RBFOX1: variants seen among roughly 807,000 people sequenced by gnomAD.
RBFOX1 encodes the protein RNA binding fox-1 homolog 1.
In RBFOX1, 8 loss-of-function variants were observed where a neutral mutation model predicts 57.7. The ratio of observed to expected loss-of-function variants is 0.14; its 90% CI spans 0.08 to 0.25. RBFOX1 has a LOEUF of 0.25. Among genes scored for constraint, RBFOX1 ranks in the 10% least tolerant of loss-of-function variants. The probability of loss-of-function intolerance (pLI) is 1.00; values close to 1 mark genes in which losing one functional copy is unlikely to be tolerated. For synonymous variants in RBFOX1, 326 were observed against 222.4 expected, an observed-to-expected ratio of 1.47 and a Z score of -4.15; for missense variants, 611 against 548.5, an observed-to-expected ratio of 1.11 and a Z score of -1.14.
chr16:7,563,687 C>G (rs895031204), intron 5 of RBFOX1, among the ~76,000 whole-genome samples: 11 of 152,124 alleles, frequency 7.2e-5, no homozygotes, highest in African/African-American at 2.7e-4. Flanking sequence ...CCAGACTGGT[C>G]TCCAACTCCT....
intron 4 of RBFOX1, among the ~76,000 whole-genome samples, chr16:7,110,370 A>T (rs1304930600): frequency 6.7e-6 from 1 of 149,674 alleles, no homozygotes; most frequent in South Asian, 2.2e-4. Flanking sequence ...CTTAAAAAAA[A>T]GATCGTTCCC....
intron 1 of RBFOX1, among the ~76,000 whole-genome samples, chr16:5,434,388 C>T (rs1043424321): frequency 1.6e-5 from 2 of 126,548 alleles, no homozygotes; most frequent in Non-Finnish European, 3.1e-5. Flanking sequence ...GTGGCATGAT[C>T]TTGACTCACT....
exon 3 of RBFOX1, chr16:5,599,215 C>A (rs1319767069): frequency 1.4e-6 from 1 of 698,340 alleles, no homozygotes; most frequent in South Asian, 1.5e-5. Context: ...ACCAGGCCCA[C>A]TTGGTGGACA....
intron 1 of RBFOX1, among the ~76,000 whole-genome samples, chr16:5,404,551 G>T (rs1256142399): frequency 6.6e-6 from 1 of 152,192 alleles, no homozygotes; most frequent in Non-Finnish European, 1.5e-5. Context: ...GAGGACAGAG[G>T]ATAGCTGTAT....
At chr16:5,791,245 T>C (rs1807221127) in intron 3 of RBFOX1, among the ~76,000 whole-genome samples, 1 of 152,190 alleles carries the variant, frequency 6.6e-6, no homozygotes, top group Non-Finnish European at 1.5e-5. Flanking sequence ...CACTAAACTG[T>C]AGCCAACTAT....
At chr16:6,723,185 G>A (rs2066390484) in intron 3 of RBFOX1, among the ~76,000 whole-genome samples, 1 of 152,216 alleles carries the variant, frequency 6.6e-6, no homozygotes, top group Admixed American at 6.5e-5. Flanking sequence ...GTGTAATATA[G>A]TGGATAAAAG....
At chr16:7,406,028 A>G (rs936872114) in intron 4 of RBFOX1, among the ~76,000 whole-genome samples, 2 of 152,178 alleles carry the variant, frequency 1.3e-5, no homozygotes, top group Non-Finnish European at 2.9e-5. Flanking sequence ...TATCCCCCAC[A>G]ACAAAGAATT....
intron 2 of RBFOX1, among the ~76,000 whole-genome samples, chr16:6,325,682 T>C (rs968917776): frequency 5.3e-5 from 8 of 152,140 alleles, no homozygotes; most frequent in African/African-American, 1.7e-4. Context: ...TTTGGTAAAA[T>C]AGGCTGGTTA....
chr16:5,386,006 T>A (rs745934081), intron 1 of RBFOX1, among the ~76,000 whole-genome samples: 4 of 152,124 alleles, frequency 2.6e-5, no homozygotes, highest in Non-Finnish European at 5.9e-5. Flanking sequence ...GAATGCCTCT[T>A]TTAAGCTTCT....
At chr16:6,100,593 C>CT (rs571550627) in intron 1 of RBFOX1, among the ~76,000 whole-genome samples, 1 of 152,148 alleles carries the variant, frequency 6.6e-6, no homozygotes, top group African/African-American at 2.4e-5. Context: ...TTTGGATTCT[C>CT]TTTTTTTGTC....
At chr16:7,296,118 C>T (rs1229401273) in intron 4 of RBFOX1, among the ~76,000 whole-genome samples, 3 of 144,518 alleles carry the variant, frequency 2.1e-5, no homozygotes, top group African/African-American at 5.2e-5. Context: ...AATGCCGATC[C>T]ACAGACTCAT....
chr16:5,317,259 C>T (rs2064267737), intron 1 of RBFOX1, among the ~76,000 whole-genome samples: 1 of 152,154 alleles, frequency 6.6e-6, no homozygotes, highest in Non-Finnish European at 1.5e-5. Flanking sequence ...TTCTGTCTCT[C>T]TAGACAACCC....
At chr16:5,454,729 C>CTCTT (rs1200086730) in intron 1 of RBFOX1, among the ~76,000 whole-genome samples, 1 of 42,458 alleles carries the variant, frequency 2.4e-5, no homozygotes, top group Non-Finnish European at 5.1e-5. Flanking sequence ...TAAAATCTCT[C>CTCTT]TCTTTCTTTC....
At chr16:7,000,618 G>C (rs80059239) in intron 3 of RBFOX1, among the ~76,000 whole-genome samples, 1 of 10,504 alleles carries the variant, frequency 9.5e-5, no homozygotes, top group African/African-American at 2.4e-4. Context: ...TTTTTTTTTT[G>C]AGACAGAGTC....
rs147231730 is a variant in RBFOX1, at chr16:6,620,342, A to T, written c.-63-34261A>T. Reference sequence around the variant, plus strand: ...TACCAGAATCTCTGAGACGCAGCTAAGGCAGTGTTAAGAGGGAAATGTATA... The same window carrying T: ...TACCAGAATCTCTGAGACGCAGCTATGGCAGTGTTAAGAGGGAAATGTATA... On this transcript the variant is annotated intron_variant, in intron 2 of 15. Coordinates refer to ENST00000550418, the MANE Select transcript of RBFOX1 (RefSeq NM_018723.4). 4.4e-3 allele frequency among the ~76,000 whole-genome samples: 672 copies of T among 152,316 alleles called. 4 individuals carry two copies. Among genetic ancestry groups the T allele is most frequent in the Middle Eastern group, 0.024 (7 of 294 alleles).
chr16:6,735,973 C>A (rs55712019), intron 3 of RBFOX1, among the ~76,000 whole-genome samples: 1 of 151,622 alleles, frequency 6.6e-6, no homozygotes, highest in Non-Finnish European at 1.5e-5. Context: ...AGGTTTGCTT[C>A]CCTACTGGGC....
intron 3 of RBFOX1, among the ~76,000 whole-genome samples, chr16:6,932,087 T>C (rs2076654440): frequency 6.6e-6 from 1 of 152,008 alleles, no homozygotes. Context: ...TCTTGGTTTT[T>C]GTTGTTGTTG....
rs1475871347 is a variant in RBFOX1 at position 6,780,933 on chromosome 16, A to G, written c.-16+126283A>G. Among the ~76,000 whole-genome samples the G allele has an allele frequency of 6.6e-5, 10 of 151,922 alleles. No homozygotes were observed. In the Middle Eastern group the frequency reaches 0.02, roughly 310 times the overall value. On this transcript the variant is annotated intron_variant, in intron 3 of 15. Coordinates refer to ENST00000550418, the MANE Select transcript of RBFOX1 (RefSeq NM_018723.4). ...GGGTAGTTGGCAAATGTTTTCTTCC[A>G]TTTTGTAGGTTGTCTTATCACTTGT...
intron 2 of RBFOX1, among the ~76,000 whole-genome samples, chr16:5,509,723 G>A (rs1033676437): frequency 6.6e-6 from 1 of 152,208 alleles, no homozygotes; most frequent in Admixed American, 6.5e-5. Context: ...AGCTTTCGGG[G>A]CTTGGGCCAG....
Sources: allele counts gnomAD v4.1 joint callset (sites outside exome capture counted in the v4.1 genomes callset), GRCh38; gene constraint gnomAD v4.1.1; transcripts MANE v1.5; gene names NCBI Gene and HGNC (gene_info 2026-07-23, HGNC 2026-07-21).